Variants in ELMOD1 observed in about 807,000 individuals in gnomAD.
ELMOD1 encodes ELMO domain containing 1, also known as ELMO domain-containing protein 1.
A neutral mutation model predicts 46.7 loss-of-function variants in ELMOD1; 21 were observed. That is an observed-to-expected ratio of 0.45 (90% confidence interval 0.32 to 0.65). ELMOD1 has a LOEUF of 0.65. ELMOD1 is among the 30% of genes least tolerant of loss of function. The pLI, the probability that ELMOD1 is intolerant of heterozygous loss-of-function variation, is 0.04. For synonymous variants in ELMOD1, 122 were observed against 138.2 expected (o/e 0.88, Z 0.82); for missense variants, 348 against 407.8 (o/e 0.85, Z 1.26).
chr11:107,624,216 A>G (rs1565377920), intron 2 of ELMOD1, among the ~76,000 whole-genome samples: 1 of 152,234 alleles, frequency 6.6e-6, no homozygotes. Context: ...TTATTTACCA[A>G]TAAAAGTTTA....
intron 6 of ELMOD1, among the ~76,000 whole-genome samples, chr11:107,644,913 TGTTTTTG>T (rs548436402): frequency 0.063 from 9,255 of 147,304 alleles, 344 homozygotes; most frequent in South Asian, 0.098. Context: ...AAAGGGTTTT[TGTTTTTG>T]TTTTTGTTTT....
At chr11:107,629,872 C>A (rs769280704) in intron 2 of ELMOD1, among the ~76,000 whole-genome samples, 1 of 152,008 alleles carries the variant, frequency 6.6e-6, no homozygotes, top group Non-Finnish European at 1.5e-5. Flanking sequence ...ACAACCAAGT[C>A]CTCAAGGAGG....
At chr11:107,631,406 C>T in intron 4 of ELMOD1, among the ~76,000 whole-genome samples, 174 bp from the exon 5 acceptor site, 1 of 135,962 alleles carries the variant, frequency 7.4e-6, no homozygotes, top group Non-Finnish European at 1.6e-5. Flanking sequence ...TACCCCCCCC[C>T]CCATCGTGAA....
intron 1 of ELMOD1, chr11:107,600,387 C>T (rs1865576984): frequency 6.6e-6 from 1 of 151,978 alleles, no homozygotes; most frequent in African/African-American, 2.4e-5. Context: ...AAATTAGGTC[C>T]ACTTCAATGT....
intron 1 of ELMOD1, among the ~76,000 whole-genome samples, chr11:107,617,024 G>A (rs1358397325): frequency 3.3e-5 from 5 of 152,110 alleles, no homozygotes; most frequent in Admixed American, 2.0e-4. Context: ...ATGAATAAAC[G>A]TTATTTTCCT....
chr11:107,632,009 T>C (rs993733832), intron 5 of ELMOD1, among the ~76,000 whole-genome samples: 1 of 152,170 alleles, frequency 6.6e-6, no homozygotes, highest in African/African-American at 2.4e-5. Context: ...ATGTTCAAAT[T>C]GTAAATGTGC....
chr11:107,624,526 C>A (rs1866009059), intron 2 of ELMOD1, among the ~76,000 whole-genome samples: 1 of 152,272 alleles, frequency 6.6e-6, no homozygotes, highest in African/African-American at 2.4e-5. Context: ...TGGCGCGTAC[C>A]TGTAGTCCCA....
At chr11:107,612,377 CA>C (rs1472179191) in intron 1 of ELMOD1, among the ~76,000 whole-genome samples, 1 of 152,096 alleles carries the variant, frequency 6.6e-6, no homozygotes, top group Non-Finnish European at 1.5e-5. Context: ...AGGAGGGGAG[CA>C]AAGGTTGAAA....
In ELMOD1 at chr11:107,641,258, C is replaced by T. The variant is rs555814735; in HGVS notation, c.420+5493C>T. Among the ~76,000 whole-genome samples, 7 of 151,988 alleles carry T rather than the reference C, an allele frequency of 4.6e-5. No individual in the cohort carries two copies. In the East Asian group the frequency reaches 7.7e-4, roughly 17 times the overall value. On this transcript the variant is annotated intron_variant, in intron 6 of 11. Transcript: ENST00000265840. Reference sequence around the variant, plus strand: ...AGTGAACCGAGATCATGCCACCGCACTCCTACCTGGGTGACAGAGAAAGAC... The same window carrying T: ...AGTGAACCGAGATCATGCCACCGCATTCCTACCTGGGTGACAGAGAAAGAC...
chr11:107,617,371 A>G (rs1203751699), intron 1 of ELMOD1, among the ~76,000 whole-genome samples: 3 of 152,142 alleles, frequency 2.0e-5, no homozygotes, highest in Non-Finnish European at 2.9e-5. Flanking sequence ...TCATGAGATA[A>G]CTTCTCTCCA....
intron 8 of ELMOD1, 71 bp from the exon 9 acceptor site, chr11:107,650,814 G>T: frequency 1.0e-6 from 1 of 979,260 alleles, no homozygotes; most frequent in South Asian, 1.8e-5. Flanking sequence ...TTTCTTTCTT[G>T]TAAAATTCTA....
intron 1 of ELMOD1, among the ~76,000 whole-genome samples, chr11:107,615,699 T>A (rs913974172): frequency 3.3e-5 from 5 of 152,202 alleles, no homozygotes; most frequent in African/African-American, 1.2e-4. Context: ...TTACGTGTAA[T>A]AGTCATAGCT....
intron 1 of ELMOD1, among the ~76,000 whole-genome samples, chr11:107,610,998 C>CAAAAAAAAAAAAAAAA (rs58417281): frequency 2.1e-5 from 2 of 95,790 alleles, no homozygotes; most frequent in African/African-American, 3.8e-5. Flanking sequence ...TGTAAGAATC[C>CAAAAAAAAAAAAAAAA]AAAAAAAAAA....
At chr11:107,613,627 C>T (rs1192868506) in intron 1 of ELMOD1, among the ~76,000 whole-genome samples, 2 of 151,962 alleles carry the variant, frequency 1.3e-5, no homozygotes, top group African/African-American at 2.4e-5. Context: ...TTTCACTTAT[C>T]TCACATCATT....
At chr11:107,660,505 AT>A (rs1333880928) in intron 11 of ELMOD1, among the ~76,000 whole-genome samples, 1 of 152,108 alleles carries the variant, frequency 6.6e-6, no homozygotes, top group Non-Finnish European at 1.5e-5. Flanking sequence ...AAAGCAAACT[AT>A]TTTTTTCTTT....
intron 5 of ELMOD1, among the ~76,000 whole-genome samples, chr11:107,634,518 C>T (rs992514038): frequency 6.6e-6 from 1 of 152,168 alleles, no homozygotes; most frequent in Admixed American, 6.5e-5. Flanking sequence ...GGAGGCAGAT[C>T]ACCTGAGGTC....
rs866840825 is a variant in ELMOD1, at chr11:107,630,740, T to C, written c.192+12T>C. On this transcript the variant is annotated intron_variant, in intron 4 of 11. Transcript: ENST00000265840. ...ATTCTAAAAGTAAGGTAAGTAAAATTATTTTTCAGCAGCTTTTTTTTCACT... is the reference window on the plus strand; with the variant it reads ...ATTCTAAAAGTAAGGTAAGTAAAATCATTTTTCAGCAGCTTTTTTTTCACT... 1.3e-6 allele frequency: 2 copies of C among 1,595,302 alleles called. No individual in the cohort carries two copies. The highest frequency in any genetic ancestry group is 1.7e-6 in the Non-Finnish European group (2 of 1,171,206).
chr11:107,591,693 CGGGCGTAGGTCG>C (rs1865395312), intron 1 of ELMOD1: 8 of 364,116 alleles, frequency 2.2e-5, no homozygotes, highest in Middle Eastern at 1.0e-3. Flanking sequence ...CATCTCGGCC[CGGGCGTAGGTCG>C]CCTAGCGACC....
intron 1 of ELMOD1, among the ~76,000 whole-genome samples, chr11:107,605,653 G>A (rs1291209788): frequency 6.6e-6 from 1 of 152,230 alleles, no homozygotes; most frequent in Non-Finnish European, 1.5e-5. Context: ...GAATTCTGTG[G>A]CTGGGATGGA....
Sources: gnomAD v4.1 joint callset for allele counts (sites outside exome capture counted in the v4.1 genomes callset) on GRCh38, gnomAD v4.1.1 for gene constraint, MANE v1.5 for transcripts, NCBI Gene and HGNC (gene_info 2026-07-23, HGNC 2026-07-21) for gene names.